Variants in SHKBP1 observed in about 807,000 individuals in gnomAD.
The protein encoded by SHKBP1 is SH3KBP1 binding protein 1.
In SHKBP1, 71 loss-of-function variants were observed where a neutral mutation model predicts 83.9. That is an observed-to-expected ratio of 0.85 (90% CI 0.70 to 1.03). SHKBP1 has a LOEUF of 1.03. Ranked by LOEUF, SHKBP1 falls within the 50% of genes least tolerant of loss-of-function variation. SHKBP1 has a pLI of 0.00. For missense variants in SHKBP1, 824 were observed against 982.4 expected (o/e 0.84, Z 2.16); for synonymous variants, 371 against 398.0 (o/e 0.93, Z 0.81).
chr19:40,579,587 C>T (rs189711768), intron 6 of SHKBP1, among the ~76,000 whole-genome samples: 2 of 152,240 alleles, frequency 1.3e-5, no homozygotes, highest in East Asian at 3.9e-4. Context: ...TCGCTTGAGC[C>T]CAGGAGGTCA....
At chr19:40,580,205 C>A in intron 6 of SHKBP1, 119 bp from the exon 7 acceptor site, 2 of 1,226,538 alleles carry the variant, frequency 1.6e-6, no homozygotes, top group Non-Finnish European at 2.2e-6. Flanking sequence ...CACTTAAAAT[C>A]TTCACCCGGA....
intron 6 of SHKBP1, 41 bp from the exon 7 acceptor site, chr19:40,580,283 G>A (rs937408953): frequency 2.5e-6 from 4 of 1,582,534 alleles, no homozygotes; most frequent in African/African-American, 2.7e-5. Flanking sequence ...TGACAGCCAC[G>A]ATTACAATGA....
chr19:40,589,934 T>C (rs944834749), intron 15 of SHKBP1, among the ~76,000 whole-genome samples: 2 of 151,446 alleles, frequency 1.3e-5, no homozygotes, highest in African/African-American at 4.9e-5. Context: ...GGAGGCTTGA[T>C]GGGAGGCCAG....
intron 10 of SHKBP1, 28 bp downstream of exon 10, chr19:40,582,494 C>G (rs769845059): frequency 3.1e-6 from 5 of 1,597,716 alleles, no homozygotes; most frequent in Non-Finnish European, 4.3e-6. Flanking sequence ...CCTGGCTGCC[C>G]CCTTCCCAGT....
chr19:40,579,290 AAAT>A (rs2081247846), intron 6 of SHKBP1, among the ~76,000 whole-genome samples: 1 of 152,152 alleles, frequency 6.6e-6, no homozygotes, highest in African/African-American at 2.4e-5. Context: ...CTAATTAAAA[AAAT>A]AATAATCATT....
At chr19:40,588,206 G>A (rs1200874295) in intron 13 of SHKBP1, among the ~76,000 whole-genome samples, 1 of 152,054 alleles carries the variant, frequency 6.6e-6, no homozygotes, top group Non-Finnish European at 1.5e-5. Context: ...GGAGATGAGG[G>A]TATGGAGGTG....
rs774461122 is a variant in SHKBP1, at chr19:40,576,897, GC to G, written c.-1del. ...TGCGGGCCAGCCGGCTCGCCCGGGG[GC>G]CATGGCAGCAGCGGCTACTGCAGCC... On this transcript the variant is annotated 5_prime_UTR_variant, in exon 1 of 18. Coordinates refer to ENST00000291842, the MANE Select transcript of SHKBP1 (RefSeq NM_138392.4). 3 of 1,458,080 alleles carry G rather than the reference GC, an allele frequency of 2.1e-6. No homozygotes were observed. The highest frequency in any genetic ancestry group is 2.7e-6 in the Non-Finnish European group (3 of 1,106,038). 90.3% of individuals were successfully genotyped at this position (1,458,080 alleles called of 1,614,324 possible).
intron 12 of SHKBP1, 71 bp from the exon 13 acceptor site, chr19:40,586,703 G>A (rs2081314957): frequency 7.2e-7 from 1 of 1,392,586 alleles, no homozygotes; most frequent in Non-Finnish European, 9.5e-7. Flanking sequence ...TTCTGTGCCT[G>A]TTTCTTTCTC....
rs1227086208 is a variant in SHKBP1, at chr19:40,590,252, C to T, written c.1598C>T (p.Ser533Phe). Residue 533 changes from serine (S) to phenylalanine (F), a missense_variant, in exon 16 of 18, where the codon TCC (serine) becomes TTC (phenylalanine). This residue lies in a region of SHKBP1 where 287 missense variants were observed against 322.9 expected (regional missense o/e 0.89). Transcript: ENST00000291842. The surrounding 1 kb of genome is among the most constrained non-coding windows in gnomAD (Gnocchi z 4.6). Reference protein sequence around the residue: ...RLSSTGQRVCSVRSVDGSPTT... With the variant: ...RLSSTGQRVCFVRSVDGSPTT... ...CCCACTGCACCCCCCAGGGTGTGCT[C>T]CGTGCGCTCCGTGGACGGCTCACCC... The T allele has an allele frequency of 6.3e-7, 1 of 1,589,462 alleles. No individual in the cohort carries two copies. The highest frequency in any genetic ancestry group is 8.5e-7 in the Non-Finnish European group (1 of 1,169,778).
chr19:40,588,407 G>A (rs1262305292), intron 13 of SHKBP1, among the ~76,000 whole-genome samples: 2 of 152,232 alleles, frequency 1.3e-5, no homozygotes, highest in Non-Finnish European at 2.9e-5. Context: ...TGGGGCAGAG[G>A]ATAGGGCAAG....
Position 40,583,648 on chromosome 19 carries a change from A to G in SHKBP1, c.1096A>G (p.Ser366Gly). 3 of 1,613,468 alleles carry G rather than the reference A, an allele frequency of 1.9e-6. No homozygotes were observed. Among genetic ancestry groups the G allele is most frequent in the Non-Finnish European group, 2.5e-6 (3 of 1,179,824 alleles). ...CATGAAAGACAACGACCTCCTTGTC[A>G]GCGAGCTCTATCGGGACCCAGCGGA... ...LRMKDNDLLV[S>G]ELYRDPAEDG... is the part of the protein sequence containing the mutation. Residue 366 changes from serine to glycine, a missense_variant, in exon 12 of 18, where the codon AGC becomes GGC. Physicochemically the swap from Ser to Gly is moderately conservative, Grantham distance 56. Transcript: ENST00000291842.
At chr19:40,588,570 G>A in intron 13 of SHKBP1, 54 bp from the exon 14 acceptor site, 2 of 1,607,738 alleles carry the variant, frequency 1.2e-6, no homozygotes, top group South Asian at 1.1e-5. Context: ...GGACGGGCAG[G>A]CAGCATTGAT....
At chr19:40,589,421 C>T (rs568322606) in intron 15 of SHKBP1, among the ~76,000 whole-genome samples, 2 of 138,702 alleles carry the variant, frequency 1.4e-5, no homozygotes, top group African/African-American at 5.4e-5. Context: ...CAGGCAGGGC[C>T]AGGTTGAAGG....
rs1236137927 is a variant in SHKBP1, at chr19:40,577,293, G to T, written c.140+9G>T. 6.2e-7 allele frequency: 1 copy of T among 1,613,938 alleles called. No individual in the cohort carries two copies. The highest frequency in any genetic ancestry group is 1.1e-5 in the South Asian group (1 of 91,058). On this transcript the variant is annotated intron_variant, in intron 2 of 17. Coordinates refer to ENST00000291842, the MANE Select transcript of SHKBP1 (RefSeq NM_138392.4). ...GACTCCTTCTTCTCCAGGTGATCGG[G>T]AGAGCGAGTTTGGGGCGAGGGTAGG...
rs1317665298 is a variant in SHKBP1 at position 40,580,048 on chromosome 19, A to AC, written c.401-276_401-275insC. 7 of 275,406 alleles carry AC rather than the reference A, an allele frequency of 2.5e-5. No individual in the cohort carries two copies. The East Asian group carries it at 3.5e-4, about 14-fold the overall frequency. 17.1% of individuals were successfully genotyped at this position (275,406 alleles called of 1,614,324 possible). A position where few individuals can be genotyped will look rare whatever the true frequency, so the allele number is the denominator to read the frequency against. ...CTCCAACTCAAAAAAAAAAAAAAAA[A>AC]AAAAAACGGAAAATTAGGTAATACT... On this transcript the variant is annotated intron_variant, in intron 6 of 17. Transcript: ENST00000291842.
At chr19:40,579,850 G>A (rs1164604334) in intron 6 of SHKBP1, among the ~76,000 whole-genome samples, 1 of 151,954 alleles carries the variant, frequency 6.6e-6, no homozygotes, top group African/African-American at 2.4e-5. Flanking sequence ...TGGCCAACAT[G>A]GTGAAACCTT....
At chr19:40,589,412 A>G (rs2081338333) in intron 15 of SHKBP1, among the ~76,000 whole-genome samples, 1 of 139,276 alleles carries the variant, frequency 7.2e-6, no homozygotes, top group South Asian at 2.5e-4. Context: ...AGCCCAGTGC[A>G]GGCAGGGCCA....
At chr19:40,578,658 A>G in intron 6 of SHKBP1, 116 bp downstream of exon 6, 1 of 895,244 alleles carries the variant, frequency 1.1e-6, no homozygotes, top group Non-Finnish European at 1.8e-6. Flanking sequence ...TGGGAGGTGT[A>G]GTTCCCTATC....
At chr19:40,577,086 CG>C (rs2081219855) in intron 1 of SHKBP1, 101 bp downstream of exon 1, 2 of 1,255,694 alleles carry the variant, frequency 1.6e-6, no homozygotes, top group South Asian at 1.4e-5. Flanking sequence ...AGGGTTGCTC[CG>C]CCCCCCCCCC....
Sources: gnomAD v4.1 joint callset for allele counts (sites outside exome capture counted in the v4.1 genomes callset) on GRCh38, gnomAD v4.1.1 for gene constraint, gnomAD v4.1.1 regional missense constraint, Gnocchi (gnomAD v3.1) non-coding constraint, MANE v1.5 for transcripts, NCBI Gene and HGNC (gene_info 2026-07-23, HGNC 2026-07-21) for gene names.